Variants in RIPOR2 observed in about 807,000 individuals in gnomAD.
RIPOR2 encodes the protein rho family-interacting cell polarization regulator 2.
A neutral mutation model predicts 114.5 loss-of-function variants in RIPOR2; 39 were observed. That is an observed-to-expected ratio of 0.34 (90% CI 0.26 to 0.44). The LOEUF is 0.44. RIPOR2 is among the 20% of genes least tolerant of loss of function. RIPOR2 has a pLI of 1.00. For synonymous variants in RIPOR2, 445 were observed against 484.4 expected (o/e 0.92, Z 1.07); for missense variants, 1,007 against 1,255.1 (o/e 0.80, Z 2.99).
At chr6:24,892,774 G>T (rs533724911) in intron 1 of RIPOR2, among the ~76,000 whole-genome samples, 2 of 152,172 alleles carry the variant, frequency 1.3e-5, no homozygotes, top group Non-Finnish European at 2.9e-5. Flanking sequence ...AGGACAAGAA[G>T]AGACGCAGGA....
intron 1 of RIPOR2, among the ~76,000 whole-genome samples, chr6:25,022,158 T>C (rs773936176): frequency 6.6e-6 from 1 of 152,198 alleles, no homozygotes; most frequent in Admixed American, 6.5e-5. Context: ...TATACAGTAG[T>C]GTAACCACCA....
intron 19 of RIPOR2, among the ~76,000 whole-genome samples, chr6:24,824,183 C>CCTTCTTTAATTTTCCTTCTTT (rs1759952717): frequency 3.9e-5 from 6 of 152,316 alleles, no homozygotes; most frequent in Non-Finnish European, 7.4e-5. Context: ...AGCATGTTCA[C>CCTTCTTTAATTTTCCTTCTTT]GATTCTTTAA....
chr6:24,865,422 A>T lies in RIPOR2; in HGVS notation c.530T>A (p.Ile177Asn), dbSNP rs1335787282. 1 of 1,613,454 alleles carries T rather than the reference A, an allele frequency of 6.2e-7. No individual in the cohort carries two copies. ...GGCACCATCCTGGAGGCGTCGCTGG[A>T]TACAATAAGCTTCATAGAGTTCATC... ...KVDELYEAYC[I>N]QRRLQDGASK... Residue 177 changes from isoleucine (I) to asparagine (N), a missense_variant, in exon 7 of 22, where the codon ATC (isoleucine) becomes AAC (asparagine). Transcript: ENST00000643898.
intron 1 of RIPOR2, among the ~76,000 whole-genome samples, chr6:25,006,495 C>A (rs1312491498): frequency 6.6e-6 from 1 of 152,242 alleles, no homozygotes; most frequent in African/African-American, 2.4e-5. Context: ...CACCTCACCC[C>A]CACAAATTCC....
intron 1 of RIPOR2, among the ~76,000 whole-genome samples, chr6:24,931,017 T>C (rs371449097): frequency 1.3e-5 from 2 of 152,270 alleles, no homozygotes; most frequent in Non-Finnish European, 2.9e-5. Context: ...TTGATTTCTC[T>C]TACTTTTTCC....
At chr6:24,832,225 G>A (rs543023550) in intron 16 of RIPOR2, 31 bp downstream of exon 16, 41 of 1,548,162 alleles carry the variant, frequency 2.6e-5, no homozygotes, top group Middle Eastern at 1.7e-4. Context: ...CATCATTTAC[G>A]TGAATAGCGG....
chr6:25,004,823 A>G (rs1001866939), intron 1 of RIPOR2, among the ~76,000 whole-genome samples: 1 of 152,136 alleles, frequency 6.6e-6, no homozygotes, highest in Admixed American at 6.5e-5. Flanking sequence ...ACGTGTGTGC[A>G]TGTAAATCTG....
chr6:24,865,001 G>A (rs1764438270), intron 7 of RIPOR2, among the ~76,000 whole-genome samples: 1 of 152,180 alleles, frequency 6.6e-6, no homozygotes, highest in Non-Finnish European at 1.5e-5. Context: ...AGGCTGGAGT[G>A]CAGTGGCGCG....
chr6:24,922,424 C>T (rs1770560534), intron 1 of RIPOR2, among the ~76,000 whole-genome samples: 1 of 152,234 alleles, frequency 6.6e-6, no homozygotes, highest in African/African-American at 2.4e-5. Context: ...CCTAGAACCA[C>T]TTCTATCTTT....
intron 4 of RIPOR2, among the ~76,000 whole-genome samples, chr6:24,871,429 G>T (rs529333872): frequency 6.6e-6 from 1 of 152,300 alleles, no homozygotes; most frequent in South Asian, 2.1e-4. Context: ...TCGGCTCACC[G>T]CAACTTCCTC....
At chr6:24,936,484 C>T (rs578131931), upstream of RIPOR2, among the ~76,000 whole-genome samples, 2 of 151,958 alleles carry the variant, frequency 1.3e-5, no homozygotes, top group Non-Finnish European at 2.9e-5. Flanking sequence ...GGAAACTTTA[C>T]AGCATTTAAA....
rs1399836997 is a variant in RIPOR2 at position 25,022,328 on chromosome 6, T to C, written c.76+19523A>G. ...CTTATGAGTGGTATCATACAGTATGTAGGCTTTTGAGTCTGGCTTCTTTCA... is the reference window on the plus strand; with the variant it reads ...CTTATGAGTGGTATCATACAGTATGCAGGCTTTTGAGTCTGGCTTCTTTCA... On this transcript the variant is annotated intron_variant, in intron 1 of 13. Coordinates refer to the RIPOR2 transcript ENST00000510784. 3.9e-5 allele frequency among the ~76,000 whole-genome samples: 6 copies of C among 152,088 alleles called. No individual in the cohort carries two copies. The East Asian group carries it at 1.2e-3, about 29-fold the overall frequency.
chr6:25,025,750 A>G (rs987045808), intron 1 of RIPOR2, among the ~76,000 whole-genome samples: 5 of 152,230 alleles, frequency 3.3e-5, no homozygotes, highest in Admixed American at 1.3e-4. Flanking sequence ...CAACTTTGGA[A>G]AACATTGTTT....
At chr6:24,902,792 T>C (rs74596299) in intron 1 of RIPOR2, among the ~76,000 whole-genome samples, 566 of 152,366 alleles carry the variant, frequency 3.7e-3, no homozygotes, top group Non-Finnish European at 6.1e-3. Context: ...ATGGGTTTCT[T>C]AGACCAATGT....
chr6:24,896,105 C>A (rs1185336517), intron 1 of RIPOR2, among the ~76,000 whole-genome samples: 1 of 152,230 alleles, frequency 6.6e-6, no homozygotes, highest in East Asian at 1.9e-4. Flanking sequence ...TCATCTGTTC[C>A]TGTGTTTTCC....
In RIPOR2 at chr6:24,860,659, ACAAAAG is replaced by A. The variant is rs113368855; in HGVS notation, c.715+308_715+313del. 3.0e-3 allele frequency among the ~76,000 whole-genome samples: 456 copies of A among 152,340 alleles called. 2 individuals carry two copies. Among genetic ancestry groups the A allele is most frequent in the African/African-American group, 8.9e-3 (369 of 41,574 alleles). On this transcript the variant is annotated intron_variant, in intron 8 of 21. Transcript: ENST00000643898. Reference sequence around the variant, plus strand: ...GGACTTCTCTTTTATCAAAGGAAAAACAAAAGCAAAGAGATGGAGCAAATGTGGCAA... The same window carrying A: ...GGACTTCTCTTTTATCAAAGGAAAAACAAAGAGATGGAGCAAATGTGGCAA...
chr6:24,818,342 A>T (rs1052855012), intron 20 of RIPOR2, among the ~76,000 whole-genome samples, 200 bp downstream of exon 20: 1 of 152,240 alleles, frequency 6.6e-6, no homozygotes, highest in African/African-American at 2.4e-5. Context: ...GCTTTCTGCC[A>T]CTTATTGACT....
rs1169111896 is a variant in RIPOR2, at chr6:24,983,223, T to C, written c.76+58628A>G. Among the ~76,000 whole-genome samples, 272 of 145,464 alleles carry C rather than the reference T, an allele frequency of 1.9e-3. 3 individuals are homozygous for C. The highest frequency in any genetic ancestry group is 0.017 in the East Asian group (89 of 5,114). On this transcript the variant is annotated intron_variant, in intron 1 of 13. Transcript: ENST00000510784. Reference sequence around the variant, plus strand: ...ACACACACACACACACACACATACATATATACACACACACACAGGCACACA... The same window carrying C: ...ACACACACACACACACACACATACACATATACACACACACACAGGCACACA...
chr6:24,825,196 TG>T (rs1324910307), intron 19 of RIPOR2, 29 bp downstream of exon 19: 2 of 1,496,696 alleles, frequency 1.3e-6, no homozygotes, highest in African/African-American at 2.8e-5. Context: ...AACCAGCTTC[TG>T]GCTTGATGGC....
Sources: allele counts gnomAD v4.1 joint callset (sites outside exome capture counted in the v4.1 genomes callset), GRCh38; gene constraint gnomAD v4.1.1; transcripts MANE v1.5; gene names NCBI Gene and HGNC (gene_info 2026-07-23, HGNC 2026-07-21).